The following STT3B variants were observed in gnomAD, a reference collection of about 807,000 sequenced individuals.
STT3B encodes dolichyl-diphosphooligosaccharide--protein glycosyltransferase subunit STT3B.
In STT3B, 29 loss-of-function variants were observed where a neutral mutation model predicts 96.8. That is an observed-to-expected ratio of 0.30 (90% CI 0.22 to 0.41). The LOEUF (loss-of-function observed/expected upper bound fraction) is 0.41, where lower values mean the gene tolerates loss of function less well. Among genes scored for constraint, STT3B ranks in the 10% least tolerant of loss-of-function variants. The probability of loss-of-function intolerance (pLI) is 1.00; values close to 1 mark genes in which losing one functional copy is unlikely to be tolerated. For synonymous variants in STT3B, 367 were observed against 360.0 expected (o/e 1.02, Z -0.22); for missense variants, 640 against 1,022.3 (o/e 0.63, Z 5.10).
At chr3:31,573,451 A>C (rs1246983604) in intron 1 of STT3B, among the ~76,000 whole-genome samples, 1 of 152,192 alleles carries the variant, frequency 6.6e-6, no homozygotes, top group Non-Finnish European at 1.5e-5. Flanking sequence ...TGCTAGTAGC[A>C]GAATAAGAAA....
chr3:31,609,786 G>T (rs1402963517), intron 5 of STT3B, among the ~76,000 whole-genome samples: 1 of 151,922 alleles, frequency 6.6e-6, no homozygotes, highest in African/African-American at 2.4e-5. Context: ...GTGGAGATGG[G>T]GTTTCACCGT....
At chr3:31,546,757 T>C (rs1335161521) in intron 1 of STT3B, among the ~76,000 whole-genome samples, 3 of 152,234 alleles carry the variant, frequency 2.0e-5, no homozygotes. Flanking sequence ...TATATGTATA[T>C]GTATTTTGCA....
At chr3:31,593,448 G>A (rs1242864550) in intron 3 of STT3B, among the ~76,000 whole-genome samples, 2 of 151,332 alleles carry the variant, frequency 1.3e-5, no homozygotes, top group Non-Finnish European at 1.5e-5. Flanking sequence ...ATTGTATTTG[G>A]TGGCTTCTTG....
chr3:31,542,902 A>T (rs1559358176), intron 1 of STT3B, among the ~76,000 whole-genome samples: 1 of 151,946 alleles, frequency 6.6e-6, no homozygotes, highest in Non-Finnish European at 1.5e-5. Context: ...CCCTGTCTCT[A>T]CTAAACTACA....
At chr3:31,539,611 ACCT>A (rs1575402986) in intron 1 of STT3B, among the ~76,000 whole-genome samples, 1 of 152,234 alleles carries the variant, frequency 6.6e-6, no homozygotes, top group East Asian at 1.9e-4. Flanking sequence ...CTATCAGAAT[ACCT>A]CTTCACAATC....
intron 1 of STT3B, among the ~76,000 whole-genome samples, chr3:31,560,672 T>C (rs1697856356): frequency 6.6e-6 from 1 of 152,110 alleles, no homozygotes; most frequent in African/African-American, 2.4e-5. Context: ...CTCTTGCTGT[T>C]TGTGGAATTC....
At chr3:31,559,881 C>T (rs766541150) in intron 1 of STT3B, among the ~76,000 whole-genome samples, 12 of 151,888 alleles carry the variant, frequency 7.9e-5, no homozygotes, top group Non-Finnish European at 1.5e-4. Context: ...GTGTTGGGTG[C>T]GTATATGTTT....
intron 1 of STT3B, among the ~76,000 whole-genome samples, chr3:31,565,036 A>T (rs1350143320): frequency 2.0e-5 from 3 of 152,206 alleles, no homozygotes; most frequent in African/African-American, 7.2e-5. Flanking sequence ...TAACCTTTTA[A>T]CATGCCTGCC....
At chr3:31,579,617 G>A (rs1698339738) in intron 2 of STT3B, among the ~76,000 whole-genome samples, 192 bp from the exon 3 acceptor site, 1 of 150,750 alleles carries the variant, frequency 6.6e-6, no homozygotes, top group African/African-American at 2.4e-5. Context: ...CTCCAGATAT[G>A]AGCTAGTTCT....
At chr3:31,556,561 G>C in intron 1 of STT3B, among the ~76,000 whole-genome samples, 1 of 152,120 alleles carries the variant, frequency 6.6e-6, no homozygotes, top group East Asian at 1.9e-4. Context: ...GTCAGCATTT[G>C]TTATTGTCTT....
intron 1 of STT3B, among the ~76,000 whole-genome samples, chr3:31,559,731 AG>A (rs780562022): frequency 6.6e-6 from 1 of 152,068 alleles, no homozygotes; most frequent in Non-Finnish European, 1.5e-5. Context: ...GTTTAAATCC[AG>A]TGTTTCTTTG....
At chr3:31,588,360 G>C (rs776208145) in intron 3 of STT3B, among the ~76,000 whole-genome samples, 1 of 151,824 alleles carries the variant, frequency 6.6e-6, no homozygotes, top group African/African-American at 2.4e-5. Flanking sequence ...TTTTAAATCA[G>C]TTAGGAAATG....
intron 15 of STT3B, among the ~76,000 whole-genome samples, chr3:31,634,119 G>C (rs1455320713): frequency 6.6e-6 from 1 of 152,124 alleles, no homozygotes; most frequent in Non-Finnish European, 1.5e-5. Context: ...ACCATGTCTA[G>C]ACTAATGTAT....
At chr3:31,534,943 T>C (rs9877437) in intron 1 of STT3B, among the ~76,000 whole-genome samples, 143,054 of 152,290 alleles carry the variant, frequency 0.94, 67,229 homozygotes, top group Admixed American at 0.96. Context: ...TGTTTTGAAA[T>C]ACTTAAGCAA....
At chr3:31,630,412 C>T (rs1699630351) in intron 14 of STT3B, among the ~76,000 whole-genome samples, 1 of 152,184 alleles carries the variant, frequency 6.6e-6, no homozygotes. Context: ...CCTAAGACCA[C>T]TATCCTTTGT....
rs560855988 is a variant in STT3B, at chr3:31,561,634, T to C, written c.315-14762T>C. 3.9e-5 allele frequency among the ~76,000 whole-genome samples: 6 copies of C among 152,284 alleles called. No individual in the cohort carries two copies. In the South Asian group the frequency reaches 8.3e-4, roughly 21 times the overall value. Reference sequence around the variant, plus strand: ...TCTACTCCCTGTGTCCATGAGTTTGTTGTGAATTTATTTTTTTGATTGGGA... The same window carrying C: ...TCTACTCCCTGTGTCCATGAGTTTGCTGTGAATTTATTTTTTTGATTGGGA... On this transcript the variant is annotated intron_variant, in intron 1 of 15. Coordinates refer to ENST00000295770, the MANE Select transcript of STT3B (RefSeq NM_178862.3).
chr3:31,614,173 G>A (rs141596535), intron 5 of STT3B, among the ~76,000 whole-genome samples: 3 of 152,030 alleles, frequency 2.0e-5, no homozygotes, highest in South Asian at 2.1e-4. Flanking sequence ...ACACAAATAC[G>A]TGTATTCCTA....
At chr3:31,577,104 T>G (rs1698281772) in intron 2 of STT3B, among the ~76,000 whole-genome samples, 1 of 152,148 alleles carries the variant, frequency 6.6e-6, no homozygotes, top group South Asian at 2.1e-4. Flanking sequence ...TTAAATCAAT[T>G]TTGCCAGGCT....
intron 1 of STT3B, among the ~76,000 whole-genome samples, chr3:31,568,089 A>C (rs1004585767): frequency 6.6e-6 from 1 of 151,772 alleles, no homozygotes; most frequent in Non-Finnish European, 1.5e-5. Flanking sequence ...GCTCTCACAT[A>C]TGAGATATAA....
Sources: gnomAD v4.1 joint callset for allele counts (sites outside exome capture counted in the v4.1 genomes callset) on GRCh38, gnomAD v4.1.1 for gene constraint, MANE v1.5 for transcripts, NCBI Gene and HGNC (gene_info 2026-07-23, HGNC 2026-07-21) for gene names.